DENND5A: variants seen among roughly 807,000 people sequenced by gnomAD.
DENND5A encodes DENN domain-containing protein 5A.
Under a neutral mutation model 140.3 loss-of-function variants are expected in DENND5A, and 64 were observed. That is an observed-to-expected ratio of 0.46 (90% CI 0.37 to 0.56). DENND5A has a LOEUF of 0.56. Among genes scored for constraint, DENND5A ranks in the 20% least tolerant of loss-of-function variants. The pLI is 0.00. For missense variants in DENND5A, 1,292 were observed against 1,593.8 expected, an observed-to-expected ratio of 0.81 and a Z score of 3.22; for synonymous variants, 605 against 607.7, an observed-to-expected ratio of 1.00 and a Z score of 0.07.
chr11:9,214,156 G>A (rs1484228437), intron 1 of DENND5A, among the ~76,000 whole-genome samples: 2 of 152,120 alleles, frequency 1.3e-5, no homozygotes, highest in Non-Finnish European at 2.9e-5. Flanking sequence ...ATAAACACTT[G>A]TGAAATAGAC....
intron 11 of DENND5A, among the ~76,000 whole-genome samples, chr11:9,161,881 CTT>C (rs899431656): frequency 6.6e-5 from 10 of 151,582 alleles, no homozygotes; most frequent in African/African-American, 2.4e-4. Context: ...GTTTAATTCT[CTT>C]AAGTAACTTG....
rs190728592 is a variant in DENND5A, at chr11:9,147,517, T to C, written c.2736-366A>G. 1.2e-4 allele frequency among the ~76,000 whole-genome samples: 18 copies of C among 152,220 alleles called. No individual in the cohort carries two copies. The East Asian group carries it at 3.5e-3, about 29-fold the overall frequency. On this transcript the variant is annotated intron_variant, in intron 15 of 22. Coordinates refer to ENST00000328194, the MANE Select transcript of DENND5A (RefSeq NM_015213.4). ...AGCTAGGCTGTCAGCTAGTGTATGG[T>C]GTGTGAGTGGCAGTGGATGAAGGTC...
intron 5 of DENND5A, among the ~76,000 whole-genome samples, chr11:9,191,459 C>T (rs898456509): frequency 1.3e-5 from 2 of 152,170 alleles, no homozygotes; most frequent in African/African-American, 4.8e-5. Context: ...AGACTGGTCT[C>T]GAACTCCTGA....
chr11:9,180,299 T>C (rs954235), intron 6 of DENND5A, among the ~76,000 whole-genome samples: 1 of 149,694 alleles, frequency 6.7e-6, no homozygotes. Flanking sequence ...AAAAAAAAAA[T>C]AATAATAATT....
At chr11:9,214,521 T>C (rs1459746773) in intron 1 of DENND5A, among the ~76,000 whole-genome samples, 2 of 152,206 alleles carry the variant, frequency 1.3e-5, no homozygotes, top group Non-Finnish European at 2.9e-5. Flanking sequence ...CTCTTCCTTA[T>C]CTCTTCTTCA....
Position 9,140,529 on chromosome 11 carries a change from C to T in DENND5A, c.3681-675G>A, listed in dbSNP as rs79045361. Among the ~76,000 whole-genome samples the T allele has an allele frequency of 2.6e-3, 395 of 152,236 alleles. 2 individuals carry two copies. The highest frequency in any genetic ancestry group is 9.2e-3 in the African/African-American group (383 of 41,518). On this transcript the variant is annotated intron_variant, in intron 22 of 22. Transcript: ENST00000328194. ...TAATCATGTCCACTCTAATGCATACCACCCATAATATCAGATTAATATTAC... is the reference window on the plus strand; with the variant it reads ...TAATCATGTCCACTCTAATGCATACTACCCATAATATCAGATTAATATTAC...
chr11:9,247,633 G>C (rs908484668), intron 1 of DENND5A, among the ~76,000 whole-genome samples: 3 of 152,022 alleles, frequency 2.0e-5, no homozygotes, highest in African/African-American at 7.2e-5. Context: ...CATGGCCCAG[G>C]GAACAGTCTC....
intron 5 of DENND5A, among the ~76,000 whole-genome samples, chr11:9,187,177 T>A (rs921893243): frequency 6.6e-6 from 1 of 152,200 alleles, no homozygotes; most frequent in Non-Finnish European, 1.5e-5. Flanking sequence ...ACTAGACTCA[T>A]ACAATAGCCT....
At chr11:9,192,017 AT>A (rs560041167) in intron 5 of DENND5A, among the ~76,000 whole-genome samples, 76 of 152,154 alleles carry the variant, frequency 5.0e-4, no homozygotes, top group Admixed American at 3.9e-3. Context: ...CATCATTTAG[AT>A]TTTTTTTCCT....
intron 1 of DENND5A, among the ~76,000 whole-genome samples, chr11:9,253,121 G>A (rs965212271): frequency 6.6e-6 from 1 of 152,030 alleles, no homozygotes; most frequent in Non-Finnish European, 1.5e-5. Flanking sequence ...TCAAAGTGCT[G>A]GGATTACAGG....
intron 5 of DENND5A, among the ~76,000 whole-genome samples, chr11:9,189,209 T>C (rs1239533978): frequency 6.6e-6 from 1 of 152,202 alleles, no homozygotes; most frequent in African/African-American, 2.4e-5. Context: ...CACGTGGTAT[T>C]GAGCCTGCAA....
intron 3 of DENND5A, among the ~76,000 whole-genome samples, chr11:9,205,160 AAAAGTATGCTCATTTCAT>A (rs1849654173): frequency 6.6e-6 from 1 of 152,236 alleles, no homozygotes; most frequent in African/African-American, 2.4e-5. Flanking sequence ...TTTCACATCA[AAAAGTATGCTCATTTCAT>A]ATAAACCAAG....
intron 17 of DENND5A, chr11:9,145,383 G>A (rs1402811299): frequency 1.7e-6 from 1 of 579,024 alleles, no homozygotes; most frequent in Non-Finnish European, 3.1e-6. Flanking sequence ...GGGAACAGGT[G>A]GGCTGAGTAG....
intron 8 of DENND5A, among the ~76,000 whole-genome samples, chr11:9,177,256 A>G (rs1848574539): frequency 6.8e-6 from 1 of 147,606 alleles, no homozygotes; most frequent in Non-Finnish European, 1.5e-5. Context: ...CCTGTCTCGA[A>G]AAAAAAAAAA....
chr11:9,159,673 G>C (rs1847917842), intron 12 of DENND5A, among the ~76,000 whole-genome samples: 1 of 152,148 alleles, frequency 6.6e-6, no homozygotes, highest in Non-Finnish European at 1.5e-5. Flanking sequence ...CACTTATCTT[G>C]AGTATGTATC....
intron 1 of DENND5A, among the ~76,000 whole-genome samples, chr11:9,259,032 G>A (rs1158857291): frequency 2.0e-5 from 3 of 152,072 alleles, no homozygotes; most frequent in South Asian, 2.1e-4. Flanking sequence ...AGGCCGAGGC[G>A]GGCAGATCAA....
At chr11:9,145,319 TAGA>T in intron 17 of DENND5A, 4 of 594,722 alleles carry the variant, frequency 6.7e-6, no homozygotes, top group Non-Finnish European at 1.2e-5. Context: ...ACACTCTACC[TAGA>T]AGAACAGGGT....
chr11:9,193,814 T>A, intron 4 of DENND5A, 133 bp from the exon 5 acceptor site: 1 of 779,544 alleles, frequency 1.3e-6, no homozygotes, highest in Non-Finnish European at 2.0e-6. Flanking sequence ...TCAGCTAGGG[T>A]ATGCTCAATG....
At position 9,239,123 on chromosome 11, in the gene DENND5A, C is replaced by T. The variant is rs138968304; in HGVS notation, c.109+25838G>A. The stretch of plus-strand genomic sequence containing the variant: ...CTGGGATTACAGGTGTGAGCCACTG[C>T]GCCCGGCCTACATCCTTCTACAATT... On this transcript the variant is annotated intron_variant, in intron 1 of 22. Transcript: ENST00000328194. 4.8e-4 allele frequency among the ~76,000 whole-genome samples: 73 copies of T among 151,476 alleles called. No individual in the cohort carries two copies. In the East Asian group the frequency reaches 0.011, roughly 23 times the overall value.
Sources: allele counts gnomAD v4.1 joint callset (sites outside exome capture counted in the v4.1 genomes callset), GRCh38; gene constraint gnomAD v4.1.1; transcripts MANE v1.5; gene names NCBI Gene and HGNC (gene_info 2026-07-23, HGNC 2026-07-21).